Variants in PTGDR observed in about 807,000 individuals in gnomAD.
PTGDR encodes PGD2 receptor.
PTGDR carries 19 observed loss-of-function variants against 17.4 expected under a neutral mutation model. The ratio of observed to expected loss-of-function variants is 1.09; its 90% CI spans 0.76 to 1.60. PTGDR has a LOEUF of 1.60. PTGDR is among the 40% of genes most tolerant of loss of function. The pLI, the probability that PTGDR is intolerant of heterozygous loss-of-function variation, is 0.00. For synonymous variants in PTGDR, 267 were observed against 224.2 expected, an observed-to-expected ratio of 1.19 and a Z score of -1.71; for missense variants, 526 against 481.9, an observed-to-expected ratio of 1.09 and a Z score of -0.86.
intron 1 of PTGDR, among the ~76,000 whole-genome samples, chr14:52,272,041 A>G (rs1472710360): frequency 6.6e-6 from 1 of 152,242 alleles, no homozygotes; most frequent in Non-Finnish European, 1.5e-5. Context: ...ACTATTTGAG[A>G]ATGCTTGATT....
intron 1 of PTGDR, chr14:52,269,584 C>A: frequency 2.1e-6 from 3 of 1,423,070 alleles, no homozygotes; most frequent in Non-Finnish European, 1.9e-6. Context: ...ATTCCATTGC[C>A]AATCCCACGT....
chr14:52,278,471 G>A (rs1337514952), downstream of PTGDR, among the ~76,000 whole-genome samples: 1 of 152,128 alleles, frequency 6.6e-6, no homozygotes, highest in Non-Finnish European at 1.5e-5. Flanking sequence ...CTGTTGTGGG[G>A]TGGGGGGAGC....
chr14:52,278,435 G>A (rs888814081), downstream of PTGDR, among the ~76,000 whole-genome samples: 7 of 152,118 alleles, frequency 4.6e-5, no homozygotes, highest in Non-Finnish European at 8.8e-5. Flanking sequence ...CATGGACACA[G>A]GAAGGGGAAC....
In PTGDR at chr14:52,268,519, C is replaced by A; in HGVS notation, c.705C>A (p.His235Gln). Residue 235 changes from histidine (H) to glutamine (Q), a missense_variant, in exon 1 of 2, where the codon CAC (histidine) becomes CAA (glutamine). His to Gln is a conservative substitution (Grantham distance 24). Coordinates refer to ENST00000306051, the MANE Select transcript of PTGDR (RefSeq NM_000953.3). The stretch of plus-strand genomic sequence containing the variant: ...CGATGCACCGGCGGCTGCAGCGGCA[C>A]CCGCGCTCCTGCACCAGGGACTGTG... The part of the protein sequence containing the change: ...LYAMHRRLQR[H>Q]PRSCTRDCAE... The A allele has an allele frequency of 6.2e-7, 1 of 1,611,794 alleles. No homozygotes were observed. Among genetic ancestry groups the A allele is most frequent in the Non-Finnish European group, 8.5e-7 (1 of 1,179,690 alleles).
At position 52,267,733 on chromosome 14, in the gene PTGDR, C is replaced by G. The variant is rs1201572708; in HGVS notation, c.-82C>G. On this transcript the variant is annotated 5_prime_UTR_variant, in exon 1 of 2. Coordinates refer to ENST00000306051, the MANE Select transcript of PTGDR (RefSeq NM_000953.3). Reference sequence around the variant, plus strand: ...TTCTCCGCCCGAGCCGCGCGCGGAGCTGCCGGGGGCTCCTTAGCACCCGGG... The same window carrying G: ...TTCTCCGCCCGAGCCGCGCGCGGAGGTGCCGGGGGCTCCTTAGCACCCGGG... The G allele has an allele frequency of 2.8e-6, 4 of 1,436,070 alleles. No individual in the cohort carries two copies. Among genetic ancestry groups the G allele is most frequent in the Non-Finnish European group, 3.6e-6 (4 of 1,099,192 alleles). 89.0% of individuals were successfully genotyped at this position (1,436,070 alleles called of 1,614,324 possible).
chr14:52,269,482 C>T lies in PTGDR; in HGVS notation c.846+822C>T, dbSNP rs1351149485. Reference sequence around the variant, plus strand: ...GTTCCTGGAGTCCCCGCCAAGACACCTGGGAGTAGGTGAGGCTTGAGGAAA... The same window carrying T: ...GTTCCTGGAGTCCCCGCCAAGACACTTGGGAGTAGGTGAGGCTTGAGGAAA... On this transcript the variant is annotated intron_variant, in intron 1 of 1. Coordinates refer to ENST00000306051, the MANE Select transcript of PTGDR (RefSeq NM_000953.3). The T allele has an allele frequency of 2.6e-6, 4 of 1,535,204 alleles. No individual in the cohort carries two copies. In the East Asian group the frequency reaches 7.3e-5, roughly 28 times the overall value.
At chr14:52,279,137 G>A (rs548595366), downstream of PTGDR, among the ~76,000 whole-genome samples, 13 of 151,984 alleles carry the variant, frequency 8.6e-5, no homozygotes, top group South Asian at 8.3e-4. Context: ...TGAATAAAAC[G>A]CGTTCTCTCT....
In PTGDR at chr14:52,267,980, C is replaced by G. The variant is rs1283380171; in HGVS notation, c.166C>G (p.Pro56Ala). 3 of 1,609,370 alleles carry G rather than the reference C, an allele frequency of 1.9e-6. No homozygotes were observed. In the East Asian group the frequency reaches 6.7e-5, roughly 36 times the overall value. The change falls in exon 1 of 2, where the codon CCG becomes GCG. Residue 56 changes from proline to alanine, a missense_variant. By Grantham distance (27) the Pro-to-Ala change is conservative (BLOSUM62 -1). Transcript: ENST00000306051. ...LGWCSRRPLR[P>A]LPSVFYMLVC... ...GTGGTGCTCGCGGCGTCCACTGCGC[C>G]CGCTGCCCTCGGTCTTCTACATGCT... is the stretch of plus-strand genomic sequence containing the variant.
intron 1 of PTGDR, among the ~76,000 whole-genome samples, chr14:52,270,285 C>T (rs41312462): frequency 0.12 from 18,269 of 152,176 alleles, 1,329 homozygotes; most frequent in African/African-American, 0.2. Flanking sequence ...CGGTGACTCA[C>T]GCCTGTAATC....
At position 52,276,086 on chromosome 14, in the gene PTGDR, CTTTAATAGTAA is replaced by C. The variant is rs1404780990; in HGVS notation, c.*1128_*1138del. ...AGCCGAAAAGGAGCACAACTGAGCA[CTTTAATAGTAA>C]TTTAAAAGTTTTCAAGGGTCAGCAA... On this transcript the variant is annotated 3_prime_UTR_variant, in exon 2 of 2. Transcript: ENST00000306051. 1 of 152,216 alleles carries C rather than the reference CTTTAATAGTAA, an allele frequency of 6.6e-6. No homozygotes were observed. The highest frequency in any genetic ancestry group is 1.5e-5 in the Non-Finnish European group (1 of 68,032). 9.4% of individuals were successfully genotyped at this position (152,216 alleles called of 1,614,324 possible). A position where few individuals can be genotyped will look rare whatever the true frequency, so the allele number is the denominator to read the frequency against.
intron 1 of PTGDR, among the ~76,000 whole-genome samples, chr14:52,273,189 T>A (rs1440057408): frequency 6.6e-6 from 1 of 152,044 alleles, no homozygotes; most frequent in Non-Finnish European, 1.5e-5. Context: ...ATTTTTGTAT[T>A]TTTAGTAGAG....
downstream of PTGDR, among the ~76,000 whole-genome samples, chr14:52,277,046 A>G (rs1457441238): frequency 1.3e-5 from 2 of 152,210 alleles, no homozygotes; most frequent in East Asian, 3.9e-4. Flanking sequence ...GGTAATCTGT[A>G]TAGATTTATT....
chr14:52,274,246 C>A (rs1421733517), intron 1 of PTGDR, among the ~76,000 whole-genome samples: 1 of 152,108 alleles, frequency 6.6e-6, no homozygotes, highest in African/African-American at 2.4e-5. Flanking sequence ...TTGGTGTCTC[C>A]ATACATATGA....
At chr14:52,274,610 A>C in intron 1 of PTGDR, 121 bp from the exon 2 acceptor site, 1 of 827,222 alleles carries the variant, frequency 1.2e-6, no homozygotes. Context: ...TTGTAAATGT[A>C]CCAAAAATGG....
At chr14:52,272,775 G>A (rs1273039021) in intron 1 of PTGDR, among the ~76,000 whole-genome samples, 1 of 152,016 alleles carries the variant, frequency 6.6e-6, no homozygotes, top group Non-Finnish European at 1.5e-5. Context: ...AAGGAGCATC[G>A]CACCTATTCT....
chr14:52,279,618 A>G (rs1390368145), downstream of PTGDR, among the ~76,000 whole-genome samples: 1 of 152,118 alleles, frequency 6.6e-6, no homozygotes, highest in African/African-American at 2.4e-5. Context: ...CCGTTTCACA[A>G]TAGCCAAATT....
At position 52,267,917 on chromosome 14, in the gene PTGDR, C is replaced by T; in HGVS notation, c.103C>T (p.Leu35=). Residue 35 remains leucine, a synonymous_variant, in exon 1 of 2, where the codon CTG becomes TTG. Transcript: ENST00000306051. ...CTTCAGCACCGGCCTCCTGGGCAACCTGCTGGCCCTGGGGCTGCTGGCGCG... is the reference window on the plus strand; with the variant it reads ...CTTCAGCACCGGCCTCCTGGGCAACTTGCTGGCCCTGGGGCTGCTGGCGCG... ...VLFSTGLLGN[L]LALGLLARSG... 6.2e-7 allele frequency: 1 copy of T among 1,610,276 alleles called. No homozygotes were observed. The highest frequency in any genetic ancestry group is 1.1e-5 in the South Asian group (1 of 90,882).
rs376662723 is a variant in PTGDR at position 52,268,086 on chromosome 14, G to T, written c.272G>T (p.Arg91Leu). 2 of 1,613,742 alleles carry T rather than the reference G, an allele frequency of 1.2e-6. No homozygotes were observed. The highest frequency in any genetic ancestry group is 1.7e-6 in the Non-Finnish European group (2 of 1,180,046). ...GTGCTGGCTGCCTACGCTCAGAACCGGAGTCTGCGGGTGCTTGCGCCCGCA... is the reference window on the plus strand; with the variant it reads ...GTGCTGGCTGCCTACGCTCAGAACCTGAGTCTGCGGGTGCTTGCGCCCGCA... ...PVVLAAYAQN[R>L]SLRVLAPALD... The change falls in exon 1 of 2, where the codon CGG (arginine) becomes CTG (leucine). Residue 91 changes from arginine (R) to leucine (L), a missense_variant. Coordinates refer to ENST00000306051, the MANE Select transcript of PTGDR (RefSeq NM_000953.3).
rs747403014 is a variant in PTGDR at position 52,268,001 on chromosome 14, A to G, written c.187A>G (p.Met63Val). ...GCGCCCGCTGCCCTCGGTCTTCTAC[A>G]TGCTGGTGTGTGGCCTGACGGTCAC... Reference protein sequence around the residue: ...PLRPLPSVFYMLVCGLTVTDL... With the variant: ...PLRPLPSVFYVLVCGLTVTDL... Residue 63 changes from methionine (M) to valine (V), a missense_variant, in exon 1 of 2, where the codon ATG becomes GTG. Coordinates refer to ENST00000306051, the MANE Select transcript of PTGDR (RefSeq NM_000953.3). The G allele has an allele frequency of 1.5e-5, 24 of 1,610,074 alleles. No individual in the cohort carries two copies. The Admixed American group carries it at 2.2e-4, about 15-fold the overall frequency.
Sources: allele counts gnomAD v4.1 joint callset (sites outside exome capture counted in the v4.1 genomes callset), GRCh38; gene constraint gnomAD v4.1.1; transcripts MANE v1.5; gene names NCBI Gene and HGNC (gene_info 2026-07-23, HGNC 2026-07-21).